RBPMS: variants seen among roughly 807,000 people sequenced by gnomAD.
The protein encoded by RBPMS is RNA-binding protein with multiple splicing.
A neutral mutation model predicts 26.8 loss-of-function variants in RBPMS; 7 were observed. The observed-to-expected ratio is 0.26, with a 90% CI of 0.15 to 0.49. The LOEUF (loss-of-function observed/expected upper bound fraction) is 0.49. RBPMS is among the 20% of genes least tolerant of loss of function. The probability of loss-of-function intolerance (pLI) is 0.98; values close to 1 mark genes in which losing one functional copy is unlikely to be tolerated. For synonymous variants in RBPMS, 96 were observed against 93.3 expected (o/e 1.03, Z -0.17); for missense variants, 186 against 250.0 (o/e 0.74, Z 1.73).
At chr8:30,511,482 AAAAAATATAT>A (rs1256179608) in intron 5 of RBPMS, among the ~76,000 whole-genome samples, 256 of 6,610 alleles carry the variant, frequency 0.039, no homozygotes, top group Non-Finnish European at 0.11. Context: ...AAAAAAAAAA[AAAAAATATAT>A]ATATATATAT....
chr8:30,556,518 T>C (rs545449834), intron 6 of RBPMS: 94 of 986,318 alleles, frequency 9.5e-5, no homozygotes, highest in Non-Finnish European at 1.1e-4. Context: ...CCCCCTCCTG[T>C]GTCTCCTGTG....
chr8:30,557,879 GTTTGT>G (rs938617117), intron 6 of RBPMS, among the ~76,000 whole-genome samples: 32 of 152,296 alleles, frequency 2.1e-4, no homozygotes, highest in African/African-American at 7.2e-4. Flanking sequence ...TTTGTTTCTT[GTTTGT>G]TTTGAGATTT....
chr8:30,554,262 T>C (rs1352894310), intron 6 of RBPMS, among the ~76,000 whole-genome samples: 1 of 152,160 alleles, frequency 6.6e-6, no homozygotes. Flanking sequence ...GCTCGAAGCA[T>C]GCAAATGGCA....
chr8:30,409,938 T>C (rs1420766497), intron 1 of RBPMS, among the ~76,000 whole-genome samples: 4 of 152,100 alleles, frequency 2.6e-5, no homozygotes, highest in East Asian at 3.9e-4. Flanking sequence ...GCCTTACTTA[T>C]ATTCTTTTAT....
At chr8:30,547,241 C>G in intron 6 of RBPMS, 1 of 1,294,910 alleles carries the variant, frequency 7.7e-7, no homozygotes. Context: ...TTTTGTTTTT[C>G]TTAGCAATGT....
chr8:30,569,911 G>A (rs1381396608), intron 8 of RBPMS, among the ~76,000 whole-genome samples: 3 of 152,234 alleles, frequency 2.0e-5, no homozygotes, highest in Admixed American at 1.3e-4. Flanking sequence ...AGTATTAGTC[G>A]CCCGTCACAG....
intron 6 of RBPMS, among the ~76,000 whole-genome samples, chr8:30,555,685 G>T (rs1459096406): frequency 1.3e-5 from 2 of 152,252 alleles, no homozygotes; most frequent in Non-Finnish European, 2.9e-5. Flanking sequence ...CTAATGGGGA[G>T]CCCTAAACTA....
At chr8:30,415,458 T>C (rs1381466460) in intron 1 of RBPMS, among the ~76,000 whole-genome samples, 2 of 152,216 alleles carry the variant, frequency 1.3e-5, no homozygotes, top group East Asian at 1.9e-4. Context: ...CTGTGTCCAC[T>C]TGCCAGATGG....
intron 1 of RBPMS, among the ~76,000 whole-genome samples, chr8:30,430,406 C>T (rs1013296282): frequency 3.3e-5 from 5 of 152,136 alleles, no homozygotes; most frequent in African/African-American, 9.7e-5. Flanking sequence ...AAGCTGACAG[C>T]GAAGAAGAGG....
chr8:30,549,850 TTTCTTC>T lies in RBPMS; in HGVS notation c.528+5229_528+5234del, dbSNP rs780230035. Among the ~76,000 whole-genome samples, 386 of 148,758 alleles carry T rather than the reference TTTCTTC, an allele frequency of 2.6e-3. 7 individuals are homozygous for T. Among genetic ancestry groups the T allele is most frequent in the African/African-American group, 9.1e-3 (355 of 39,168 alleles). On this transcript the variant is annotated intron_variant, in intron 6 of 8. Transcript: ENST00000397323. ...TCTTTTCTTTCTTTTCTTTCTTTTC[TTTCTTC>T]TTTTTTTTTTCTGAGGCAGAGTCTC...
At chr8:30,532,820 A>G (rs1333880083) in intron 5 of RBPMS, among the ~76,000 whole-genome samples, 3 of 152,208 alleles carry the variant, frequency 2.0e-5, no homozygotes, top group Non-Finnish European at 4.4e-5. Context: ...CCACTGTAAA[A>G]TAAGGAGTTC....
intron 1 of RBPMS, among the ~76,000 whole-genome samples, chr8:30,434,900 T>A (rs1267963909): frequency 6.6e-6 from 1 of 151,970 alleles, no homozygotes; most frequent in African/African-American, 2.4e-5. Flanking sequence ...AAGGAAGACA[T>A]CATTGTCCTC....
At chr8:30,542,774 G>A (rs578160268) in intron 5 of RBPMS, among the ~76,000 whole-genome samples, 9 of 152,324 alleles carry the variant, frequency 5.9e-5, no homozygotes, top group Non-Finnish European at 1.0e-4. Context: ...GGGCTCCCAC[G>A]TGAGTTACTC....
intron 5 of RBPMS, among the ~76,000 whole-genome samples, chr8:30,519,706 T>A (rs1037488174): frequency 2.6e-5 from 4 of 151,972 alleles, no homozygotes; most frequent in Non-Finnish European, 4.4e-5. Flanking sequence ...ATAGAGAGAC[T>A]ATTGTCTCGA....
chr8:30,518,341 G>A (rs1329989117), intron 5 of RBPMS, among the ~76,000 whole-genome samples: 2 of 152,138 alleles, frequency 1.3e-5, no homozygotes, highest in Non-Finnish European at 2.9e-5. Context: ...CCATTCCCCC[G>A]TGGTTGTGGT....
chr8:30,510,129 CT>C (rs569726154), intron 5 of RBPMS, among the ~76,000 whole-genome samples: 24 of 152,276 alleles, frequency 1.6e-4, no homozygotes, highest in African/African-American at 5.5e-4. Flanking sequence ...TCAGTCTCTG[CT>C]GCTGTTGCTG....
chr8:30,530,927 C>T (rs2979508), intron 5 of RBPMS, among the ~76,000 whole-genome samples: 29,091 of 152,072 alleles, frequency 0.19, 3,122 homozygotes, highest in South Asian at 0.39. Context: ...GATCTACCTA[C>T]CAAAACATTA....
chr8:30,429,826 G>A (rs1279730542), intron 1 of RBPMS, among the ~76,000 whole-genome samples: 1 of 152,136 alleles, frequency 6.6e-6, no homozygotes, highest in Non-Finnish European at 1.5e-5. Flanking sequence ...ATTTGTGACT[G>A]TTTAATTTTT....
At chr8:30,454,477 C>T (rs1408889336) in intron 1 of RBPMS, among the ~76,000 whole-genome samples, 1 of 152,174 alleles carries the variant, frequency 6.6e-6, no homozygotes, top group Non-Finnish European at 1.5e-5. Flanking sequence ...CTCTGCAACT[C>T]CTTTTCTTAA....
Sources: gnomAD v4.1 joint callset for allele counts (sites outside exome capture counted in the v4.1 genomes callset) on GRCh38, gnomAD v4.1.1 for gene constraint, MANE v1.5 for transcripts, NCBI Gene and HGNC (gene_info 2026-07-23, HGNC 2026-07-21) for gene names.